KLHL32: variants seen among roughly 807,000 people sequenced by gnomAD.
KLHL32 encodes the protein kelch-like protein 32.
Under a neutral mutation model 64.8 loss-of-function variants are expected in KLHL32, and 35 were observed. That is an observed-to-expected ratio of 0.54 (90% CI 0.41 to 0.72). The LOEUF (loss-of-function observed/expected upper bound fraction) is 0.72, where lower values mean the gene tolerates loss of function less well. Ranked by LOEUF, KLHL32 falls within the 30% of genes least tolerant of loss-of-function variation. The pLI, the probability that KLHL32 is intolerant of heterozygous loss-of-function variation, is 0.00. For missense variants in KLHL32, 589 were observed against 768.5 expected (o/e 0.77, Z 2.76); for synonymous variants, 259 against 281.0 (o/e 0.92, Z 0.78).
chr6:96,981,261 T>A (rs995092051), intron 3 of KLHL32, among the ~76,000 whole-genome samples: 1 of 152,208 alleles, frequency 6.6e-6, no homozygotes, highest in Non-Finnish European at 1.5e-5. Flanking sequence ...TGTACAGGGA[T>A]TCAAATTTTT....
At chr6:97,079,421 T>G (rs1351731193) in intron 5 of KLHL32, among the ~76,000 whole-genome samples, 1 of 152,190 alleles carries the variant, frequency 6.6e-6, no homozygotes, top group Non-Finnish European at 1.5e-5. Context: ...GCTCGATAAT[T>G]GCCTTGCAAA....
intron 5 of KLHL32, among the ~76,000 whole-genome samples, chr6:97,069,981 C>T (rs1790447444): frequency 6.6e-6 from 1 of 151,854 alleles, no homozygotes; most frequent in Admixed American, 6.6e-5. Flanking sequence ...CACCCAAATA[C>T]ATAATATATA....
chr6:97,096,399 T>C (rs1042261631), intron 6 of KLHL32, among the ~76,000 whole-genome samples: 1 of 152,188 alleles, frequency 6.6e-6, no homozygotes, highest in African/African-American at 2.4e-5. Flanking sequence ...GGCTCGTTGG[T>C]CTCAGCATTA....
rs375216505 is a variant in KLHL32 at position 97,139,188 on chromosome 6, A to G, written c.1769A>G (p.Asn590Ser). 22 of 1,613,860 alleles carry G rather than the reference A, an allele frequency of 1.4e-5. No individual in the cohort carries two copies. The highest frequency in any genetic ancestry group is 4.5e-5 in the East Asian group (2 of 44,872). Residue 590 changes from asparagine (N) to serine (S), a missense_variant, in exon 11 of 11, where the codon AAT (asparagine) becomes AGT (serine). Asn to Ser is a conservative substitution (Grantham distance 46, BLOSUM62 1). This residue lies in a region of KLHL32 where 172 missense variants were observed against 192.0 expected (regional missense o/e 0.90). Coordinates refer to ENST00000369261, the MANE Select transcript of KLHL32 (RefSeq NM_052904.4). ...FYGPTLPFASNGIAACFLPAP... is the reference protein window; with the variant it reads ...FYGPTLPFASSGIAACFLPAP... ...GGGCCTACACTCCCTTTTGCTTCCAATGGAATAGCAGCATGCTTCCTTCCA... is the reference window on the plus strand; with the variant it reads ...GGGCCTACACTCCCTTTTGCTTCCAGTGGAATAGCAGCATGCTTCCTTCCA...
chr6:97,062,709 A>G (rs73502876), intron 4 of KLHL32, among the ~76,000 whole-genome samples: 18 of 152,346 alleles, frequency 1.2e-4, no homozygotes, highest in African/African-American at 4.3e-4. Flanking sequence ...ACATTGTTCT[A>G]AGTGCTGGGG....
chr6:96,938,772 G>T (rs1165749248), intron 1 of KLHL32, among the ~76,000 whole-genome samples: 1 of 152,160 alleles, frequency 6.6e-6, no homozygotes, highest in Non-Finnish European at 1.5e-5. Flanking sequence ...CCAGTATTGT[G>T]CTCTGGGGAC....
intron 4 of KLHL32, among the ~76,000 whole-genome samples, chr6:97,043,887 G>T (rs943537156): frequency 2.0e-5 from 3 of 151,910 alleles, no homozygotes; most frequent in African/African-American, 7.2e-5. Flanking sequence ...CCAGCTTTTT[G>T]ATTGGGTTAT....
chr6:97,009,918 T>A (rs1251033984), intron 3 of KLHL32, among the ~76,000 whole-genome samples: 2 of 152,076 alleles, frequency 1.3e-5, no homozygotes, highest in Non-Finnish European at 2.9e-5. Context: ...AAAGCTTTGA[T>A]ACCAGCTCTG....
intron 3 of KLHL32, among the ~76,000 whole-genome samples, chr6:96,988,018 A>G (rs1330172860): frequency 6.6e-6 from 1 of 152,262 alleles, no homozygotes; most frequent in Non-Finnish European, 1.5e-5. Flanking sequence ...AAACTTAGGC[A>G]ATACCATTCA....
At chr6:96,938,291 G>T (rs1316571274) in intron 1 of KLHL32, among the ~76,000 whole-genome samples, 1 of 152,140 alleles carries the variant, frequency 6.6e-6, no homozygotes, top group East Asian at 1.9e-4. Flanking sequence ...ACAAATGTGT[G>T]GTTCAGGCTC....
chr6:96,930,766 T>G (rs1019401539), intron 1 of KLHL32, among the ~76,000 whole-genome samples: 2 of 152,068 alleles, frequency 1.3e-5, no homozygotes, highest in African/African-American at 4.8e-5. Context: ...TGATGTCTTT[T>G]CTCTCTGACA....
intron 1 of KLHL32, among the ~76,000 whole-genome samples, chr6:96,942,653 G>GA (rs1200251958): frequency 1.9e-5 from 2 of 105,028 alleles, no homozygotes; most frequent in African/African-American, 7.6e-5. Flanking sequence ...TACAGCTGTG[G>GA]GGTGTGTGTG....
At chr6:96,943,780 C>G (rs1771616708) in intron 1 of KLHL32, among the ~76,000 whole-genome samples, 1 of 152,176 alleles carries the variant, frequency 6.6e-6, no homozygotes, top group Non-Finnish European at 1.5e-5. Context: ...TGCACAGACA[C>G]TTGCCCCAGC....
At chr6:96,955,599 T>C (rs539289642) in intron 1 of KLHL32, among the ~76,000 whole-genome samples, 7 of 152,340 alleles carry the variant, frequency 4.6e-5, no homozygotes, top group African/African-American at 1.7e-4. Context: ...CTGCCACTTT[T>C]AACTTTTGGT....
chr6:97,064,749 C>A, intron 5 of KLHL32, 23 bp downstream of exon 5: 1 of 1,554,966 alleles, frequency 6.4e-7, no homozygotes, highest in South Asian at 1.1e-5. Context: ...GCATCCTGCT[C>A]ATACACCCTT....
intron 1 of KLHL32, among the ~76,000 whole-genome samples, chr6:96,933,338 C>G (rs964331287): frequency 4.6e-5 from 7 of 152,146 alleles, no homozygotes; most frequent in African/African-American, 1.7e-4. Context: ...GTGATTGCTT[C>G]AGAATTCCGT....
intron 7 of KLHL32, among the ~76,000 whole-genome samples, chr6:97,116,134 A>G (rs952753635): frequency 2.6e-5 from 4 of 152,228 alleles, no homozygotes; most frequent in Admixed American, 6.5e-5. Context: ...TAAATTAATG[A>G]ATGAAGGGAA....
intron 2 of KLHL32, among the ~76,000 whole-genome samples, chr6:96,970,693 A>C (rs1775013509): frequency 6.6e-6 from 1 of 152,178 alleles, no homozygotes; most frequent in Admixed American, 6.5e-5. Context: ...AAACAAAACT[A>C]TTCATTCATA....
Position 97,139,366 on chromosome 6 carries a change from C to T in KLHL32, c.*84C>T. On this transcript the variant is annotated 3_prime_UTR_variant, in exon 11 of 11. Coordinates refer to ENST00000369261, the MANE Select transcript of KLHL32 (RefSeq NM_052904.4). ...TGAAAAGACTCAGTGCTCCATGCTT[C>T]CTTGTCTTGCTTTATAGGTCTTATA... 1 of 1,191,824 alleles carries T rather than the reference C, an allele frequency of 8.4e-7. No homozygotes were observed. The highest frequency in any genetic ancestry group is 1.2e-6 in the Non-Finnish European group (1 of 843,516). 73.8% of individuals were successfully genotyped at this position (1,191,824 alleles called of 1,614,324 possible). A position where few individuals can be genotyped will look rare whatever the true frequency, so the allele number is the denominator to read the frequency against.
Sources: allele counts gnomAD v4.1 joint callset (sites outside exome capture counted in the v4.1 genomes callset), GRCh38; gene constraint gnomAD v4.1.1; regional missense constraint gnomAD v4.1.1; transcripts MANE v1.5; gene names NCBI Gene and HGNC (gene_info 2026-07-23, HGNC 2026-07-21).